Variants in EP400 observed in about 807,000 individuals in gnomAD.
EP400 encodes E1A binding protein p400, also known as E1A-binding protein p400.
A neutral mutation model predicts 354.1 loss-of-function variants in EP400; 105 were observed. The ratio of observed to expected loss-of-function variants is 0.30; its 90% CI spans 0.25 to 0.35. EP400 has a LOEUF of 0.35. Ranked by LOEUF, EP400 falls within the 10% of genes least tolerant of loss-of-function variation. The probability of loss-of-function intolerance (pLI) is 1.00; values close to 1 mark genes in which losing one functional copy is unlikely to be tolerated. For missense variants in EP400, 3,280 were observed against 4,121.0 expected (o/e 0.80, Z 5.59); for synonymous variants, 1,646 against 1,716.9 (o/e 0.96, Z 1.02).
intron 37 of EP400, 131 bp downstream of exon 37, chr12:132,045,084 A>G (rs1421712326): frequency 2.9e-6 from 4 of 1,398,688 alleles, no homozygotes; most frequent in East Asian, 4.9e-5. Context: ...TCACACGCCC[A>G]TCCGCTGCCT....
chr12:132,073,898 G>A (rs185448771), intron 51 of EP400, among the ~76,000 whole-genome samples: 3 of 147,120 alleles, frequency 2.0e-5, no homozygotes, highest in Admixed American at 6.7e-5. Context: ...ACAGAATTCC[G>A]GATTGGCATT....
rs538725055 is a variant in EP400, at chr12:132,050,153, C to T, written c.7201-170C>T. On this transcript the variant is annotated intron_variant, in intron 39 of 52. Coordinates refer to ENST00000389561, the MANE Select transcript of EP400 (RefSeq NM_015409.5). This position sits in a 1 kb window ranked among gnomAD's most constrained non-coding sequence, Gnocchi z 4.8. Reference sequence around the variant, plus strand: ...AGTCGGCCGCGACAGCCACTTAATGCCGCTGCTGTTGGGTTATGCCTGAAC... The same window carrying T: ...AGTCGGCCGCGACAGCCACTTAATGTCGCTGCTGTTGGGTTATGCCTGAAC... Among the ~76,000 whole-genome samples, 3 of 152,308 alleles carry T rather than the reference C, an allele frequency of 2.0e-5. No homozygotes were observed. Among genetic ancestry groups the T allele is most frequent in the African/African-American group, 7.2e-5 (3 of 41,564 alleles).
chr12:131,979,891 T>C, intron 3 of EP400, 98 bp downstream of exon 3: 1 of 961,734 alleles, frequency 1.0e-6, no homozygotes, highest in South Asian at 1.8e-5. Flanking sequence ...GTTGCTAAAC[T>C]TGGTTTCTTC....
chr12:131,969,317 C>T (rs969979822), intron 2 of EP400, among the ~76,000 whole-genome samples: 4 of 152,134 alleles, frequency 2.6e-5, no homozygotes, highest in African/African-American at 9.7e-5. Context: ...ACTTTAAAAA[C>T]AGAACACACA....
intron 4 of EP400, 99 bp from the exon 5 acceptor site, chr12:131,981,994 G>A: frequency 7.0e-7 from 1 of 1,435,974 alleles, no homozygotes; most frequent in Non-Finnish European, 9.3e-7. Context: ...GGTGGGTCTT[G>A]GACAAGCACT....
intron 32 of EP400, among the ~76,000 whole-genome samples, chr12:132,041,831 T>C (rs1894921257): frequency 6.6e-6 from 1 of 152,230 alleles, no homozygotes; most frequent in Admixed American, 6.5e-5. Flanking sequence ...GTTTTGCTGT[T>C]GACTGATGAG....
Position 132,064,658 on chromosome 12 carries a change from T to C in EP400, c.8335-10T>C, listed in dbSNP as rs1451940487. 6.2e-7 allele frequency: 1 copy of C among 1,608,314 alleles called. No individual in the cohort carries two copies. Among genetic ancestry groups the C allele is most frequent in the Non-Finnish European group, 8.5e-7 (1 of 1,175,832 alleles). ...AATGTTGAAGAGAAGATACTTTGCT[T>C]GTATTTTAGGAACACCTCATCAAAA... On this transcript the variant is annotated splice_polypyrimidine_tract_variant and intron_variant, in intron 47 of 52. Transcript: ENST00000389561.
Position 131,981,571 on chromosome 12 carries a change from C to A in EP400, c.1518C>A (p.Leu506=). The A allele has an allele frequency of 6.2e-7, 1 of 1,601,156 alleles. No individual in the cohort carries two copies. The highest frequency in any genetic ancestry group is 8.5e-7 in the Non-Finnish European group (1 of 1,174,206). The change falls in exon 4 of 53, where the codon CTC becomes CTA. Residue 506 remains leucine (L), a synonymous_variant. Coordinates refer to ENST00000389561, the MANE Select transcript of EP400 (RefSeq NM_015409.5). ...CAGGGGCGGACGCAGGCGTTCCTCT[C>A]CAGCAACTAATGCCGACCGCACAAG... ...QHPGADAGVP[L]QQLMPTAQGG...
intron 32 of EP400, among the ~76,000 whole-genome samples, chr12:132,041,500 C>T (rs1036725646): frequency 6.6e-6 from 1 of 152,124 alleles, no homozygotes; most frequent in Non-Finnish European, 1.5e-5. Flanking sequence ...CCTTCTTGTG[C>T]GTAGCAGTCT....
rs1403885000 is a variant in EP400, at chr12:132,052,142, CAT to C, written c.7395-1001_7395-1000del. On this transcript the variant is annotated intron_variant, in intron 41 of 52. Coordinates refer to ENST00000389561, the MANE Select transcript of EP400 (RefSeq NM_015409.5). The surrounding 1 kb of genome is among the most constrained non-coding windows in gnomAD (Gnocchi z 4.4). ...ATGATTAATGATATTCATAGATAAT[CAT>C]ATCTAAGATCTATATCTGGTATAAC... is the stretch of plus-strand genomic sequence containing the variant. 6.6e-6 allele frequency among the ~76,000 whole-genome samples: 1 copy of C among 152,206 alleles called. No individual in the cohort carries two copies. The highest frequency in any genetic ancestry group is 1.5e-5 in the Non-Finnish European group (1 of 68,036).
chr12:131,990,183 G>A lies in EP400; in HGVS notation c.2550+79G>A, dbSNP rs565582627. The A allele has an allele frequency of 8.6e-6, 13 of 1,513,274 alleles. No individual in the cohort carries two copies. The African/African-American group carries it at 9.8e-5, about 11-fold the overall frequency. The allele number at this position is 1,513,274 out of a possible 1,614,324, so 93.7% of individuals were successfully genotyped here. On this transcript the variant is annotated intron_variant, in intron 8 of 52. Coordinates refer to ENST00000389561, the MANE Select transcript of EP400 (RefSeq NM_015409.5). The surrounding 1 kb of genome is among the most constrained non-coding windows in gnomAD (Gnocchi z 4.2). ...AGGCCACTTCCCGAGACCAGAGCTC[G>A]GGCACCTTGCTTAGGAAGCTTTCGA...
chr12:132,023,953 G>A lies in EP400; in HGVS notation c.4855+12G>A, dbSNP rs1186949001. 1 of 1,586,042 alleles carries A rather than the reference G, an allele frequency of 6.3e-7. No homozygotes were observed. Among genetic ancestry groups the A allele is most frequent in the African/African-American group, 1.4e-5 (1 of 73,220 alleles). ...GCTGCAGCTGCAAGGTAAGGATAAG[G>A]ATGAGAGAGCACTGATGCCAAAAAT... On this transcript the variant is annotated intron_variant, in intron 24 of 52. Coordinates refer to ENST00000389561, the MANE Select transcript of EP400 (RefSeq NM_015409.5).
At chr12:132,068,715 C>G (rs1188363559) in intron 50 of EP400, 1 of 152,366 alleles carries the variant, frequency 6.6e-6, no homozygotes, top group Admixed American at 6.5e-5. Flanking sequence ...GGCACGACCG[C>G]TGCAGGGAAG....
Position 132,067,578 on chromosome 12 carries a change from T to TGGC in EP400, c.8874+96_8874+98dup. Reference sequence around the variant, plus strand: ...GGTCCTAAGCAGACAAATCCCCATGTGGCGGCTCACGCTTTTCAGAGGGTG... The same window carrying TGGC: ...GGTCCTAAGCAGACAAATCCCCATGTGGCGGCGGCTCACGCTTTTCAGAGGGTG... On this transcript the variant is annotated intron_variant, in intron 50 of 52. Coordinates refer to ENST00000389561, the MANE Select transcript of EP400 (RefSeq NM_015409.5). The surrounding 1 kb of genome is among the most constrained non-coding windows in gnomAD (Gnocchi z 5.3). 1 of 1,517,360 alleles carries TGGC rather than the reference T, an allele frequency of 6.6e-7. No individual in the cohort carries two copies. The highest frequency in any genetic ancestry group is 8.8e-7 in the Non-Finnish European group (1 of 1,133,968). 94.0% of individuals were successfully genotyped at this position (1,517,360 alleles called of 1,614,324 possible). A position where few individuals can be genotyped will look rare whatever the true frequency, so the allele number is the denominator to read the frequency against.
At chr12:132,033,051 G>A (rs1029775257) in intron 30 of EP400, among the ~76,000 whole-genome samples, 1 of 151,930 alleles carries the variant, frequency 6.6e-6, no homozygotes, top group Admixed American at 6.6e-5. Context: ...GGGTTCAAGC[G>A]ATTCTTCCGC....
At chr12:132,053,635 G>C (rs770702221) in intron 43 of EP400, 38 bp downstream of exon 43, 7 of 1,477,006 alleles carry the variant, frequency 4.7e-6, no homozygotes, top group Middle Eastern at 4.9e-4. Flanking sequence ...CCCTCTACGG[G>C]AAGTCACCCA....
intron 2 of EP400, among the ~76,000 whole-genome samples, chr12:131,977,354 C>T (rs1160508310): frequency 6.6e-6 from 1 of 150,582 alleles, no homozygotes; most frequent in East Asian, 2.0e-4. Context: ...ACCATGGTCT[C>T]GATCTCCTGC....
chr12:131,979,672 A>C (rs1303522479), intron 2 of EP400, 22 bp from the exon 3 acceptor site: 1 of 1,597,490 alleles, frequency 6.3e-7, no homozygotes. Flanking sequence ...TCAAAATCTC[A>C]TTTTTTCATC....
chr12:131,987,814 A>C lies in EP400; in HGVS notation c.2333A>C (p.Tyr778Ser). ...CCACGCCCCAAGTCCCACTGGGACTATCTGCTGGAGGAGATGCAGTGGATG... is the reference window on the plus strand; with the variant it reads ...CCACGCCCCAAGTCCCACTGGGACTCTCTGCTGGAGGAGATGCAGTGGATG... ...EAPRPKSHWD[Y>S]LLEEMQWMAT... Residue 778 changes from tyrosine to serine, a missense_variant, in exon 7 of 53, where the codon TAT (tyrosine) becomes TCT (serine). Around this residue, in one of 20 missense-constraint regions of EP400, gnomAD observed 800 missense variants for 840.0 expected, o/e 0.95. Coordinates refer to ENST00000389561, the MANE Select transcript of EP400 (RefSeq NM_015409.5). 1 of 1,613,720 alleles carries C rather than the reference A, an allele frequency of 6.2e-7. No individual in the cohort carries two copies. The highest frequency in any genetic ancestry group is 8.5e-7 in the Non-Finnish European group (1 of 1,179,920).
Sources: allele counts gnomAD v4.1 joint callset (sites outside exome capture counted in the v4.1 genomes callset), GRCh38; gene constraint gnomAD v4.1.1; regional missense constraint gnomAD v4.1.1; non-coding constraint Gnocchi (gnomAD v3.1); transcripts MANE v1.5; gene names NCBI Gene and HGNC (gene_info 2026-07-23, HGNC 2026-07-21).